Variants in PCDHGA5 observed in about 807,000 individuals in gnomAD.
PCDHGA5 encodes the protein protocadherin gamma subfamily A, 5.
A neutral mutation model predicts 56.7 loss-of-function variants in PCDHGA5; 36 were observed. The ratio of observed to expected loss-of-function variants is 0.64; its 90% CI spans 0.49 to 0.84. PCDHGA5 has a LOEUF of 0.84. PCDHGA5 is among the 40% of genes least tolerant of loss of function. PCDHGA5 has a pLI of 0.00. For synonymous variants in PCDHGA5, 563 were observed against 520.2 expected (o/e 1.08, Z -1.12); for missense variants, 1,305 against 1,201.5 (o/e 1.09, Z -1.27).
At chr5:141,430,782 G>A (rs1220976669) in intron 1 of PCDHGA5, 2 of 1,510,858 alleles carry the variant, frequency 1.3e-6, no homozygotes, top group Non-Finnish European at 1.8e-6. Flanking sequence ...CGACTGCACC[G>A]GGACTACAAA....
chr5:141,405,704 C>T (rs1589592020), intron 1 of PCDHGA5, among the ~76,000 whole-genome samples: 1 of 152,286 alleles, frequency 6.6e-6, no homozygotes, highest in East Asian at 1.9e-4. Context: ...TCTTGAATTC[C>T]TAACCTCAAG....
intron 1 of PCDHGA5, among the ~76,000 whole-genome samples, chr5:141,480,839 G>A (rs1397361640): frequency 6.6e-6 from 1 of 152,196 alleles, no homozygotes; most frequent in Non-Finnish European, 1.5e-5. Context: ...AAGATCAGGA[G>A]TTTGAGACCA....
rs1025985501 is a variant in PCDHGA5 at position 141,432,385 on chromosome 5, C to G, written c.2422-62422C>G. 2.5e-6 allele frequency: 4 copies of G among 1,614,138 alleles called. No homozygotes were observed. In the African/African-American group the frequency reaches 5.3e-5, roughly 22 times the overall value. Reference sequence around the variant, plus strand: ...CGCGGGACAACGGGCACCCGCCCCTCAGCAGCAACGTGTCGTTGAGCCTGT... The same window carrying G: ...CGCGGGACAACGGGCACCCGCCCCTGAGCAGCAACGTGTCGTTGAGCCTGT... On this transcript the variant is annotated intron_variant, in intron 1 of 3. Transcript: ENST00000518069. The surrounding 1 kb of genome is among the most constrained non-coding windows in gnomAD (Gnocchi z 6.0).
rs374575578 is a variant in PCDHGA5 at position 141,409,643 on chromosome 5, T to G, written c.2421+42892T>G. 4.3e-6 allele frequency: 7 copies of G among 1,613,620 alleles called. No homozygotes were observed. The African/African-American group carries it at 8.0e-5, about 18-fold the overall frequency. ...GCAAGTGAGCGCCTCTGACCCGGAT[T>G]TGGGGCTCAATGGCCACATCTCCTA... On this transcript the variant is annotated intron_variant, in intron 1 of 3. Coordinates refer to ENST00000518069, the MANE Select transcript of PCDHGA5 (RefSeq NM_018918.3).
chr5:141,389,660 G>A (rs1302432237), intron 1 of PCDHGA5: 4 of 1,612,338 alleles, frequency 2.5e-6, no homozygotes, highest in African/African-American at 2.7e-5. Flanking sequence ...TAGTGGCGGT[G>A]GACGCAGACT....
At chr5:141,427,803 G>A (rs781324396) in intron 1 of PCDHGA5, 2 of 1,511,804 alleles carry the variant, frequency 1.3e-6, no homozygotes, top group Admixed American at 1.7e-5. Context: ...GTCCGTGAGC[G>A]CACAGAGCGG....
intron 1 of PCDHGA5, among the ~76,000 whole-genome samples, chr5:141,456,843 A>G (rs2098891742): frequency 6.6e-6 from 1 of 152,030 alleles, no homozygotes. Context: ...GGCGCCTGTA[A>G]TCCCAGCTAA....
rs1562150111 is a variant in PCDHGA5, at chr5:141,491,805, T to G, written c.2422-3002T>G. 1 of 1,495,892 alleles carries G rather than the reference T, an allele frequency of 6.7e-7. No homozygotes were observed. 92.7% of individuals were successfully genotyped at this position (1,495,892 alleles called of 1,614,324 possible). A position where few individuals can be genotyped will look rare whatever the true frequency, so the allele number is the denominator to read the frequency against. On this transcript the variant is annotated intron_variant, in intron 1 of 3. Coordinates refer to ENST00000518069, the MANE Select transcript of PCDHGA5 (RefSeq NM_018918.3). This position sits in a 1 kb window ranked among gnomAD's most constrained non-coding sequence, Gnocchi z 6.9. ...TGCATCCACTCCTCTCCGGCCGGCT[T>G]GGTCGCTGGCTGCGCTCCACCCGAT... is the stretch of plus-strand genomic sequence containing the variant.
chr5:141,462,852 T>C (rs1334709435), intron 1 of PCDHGA5, among the ~76,000 whole-genome samples: 1 of 152,202 alleles, frequency 6.6e-6, no homozygotes. Flanking sequence ...TTTTGAGTGT[T>C]TGGATTTTGT....
Position 141,476,468 on chromosome 5 carries a change from C to T in PCDHGA5, c.2422-18339C>T. 6.2e-7 allele frequency: 1 copy of T among 1,614,132 alleles called. No homozygotes were observed. Among genetic ancestry groups the T allele is most frequent in the Non-Finnish European group, 8.5e-7 (1 of 1,180,022 alleles). On this transcript the variant is annotated intron_variant, in intron 1 of 3. Coordinates refer to ENST00000518069, the MANE Select transcript of PCDHGA5 (RefSeq NM_018918.3). The surrounding 1 kb of genome is among the most constrained non-coding windows in gnomAD (Gnocchi z 7.6). ...GTTGGTAGTGGAGAACCCGCTGGAG[C>T]TGTTCAGCGTGGAAGTGGTGATCCA...
chr5:141,472,928 G>A (rs926768431), intron 1 of PCDHGA5, among the ~76,000 whole-genome samples: 13 of 150,136 alleles, frequency 8.7e-5, no homozygotes, highest in Admixed American at 2.7e-4. Flanking sequence ...GGAGGTTGTG[G>A]TGAGCCAAGA....
At chr5:141,479,561 G>A (rs1032137833) in intron 1 of PCDHGA5, 1 of 152,270 alleles carries the variant, frequency 6.6e-6, no homozygotes, top group African/African-American at 2.4e-5. Context: ...CTATCCAGTA[G>A]TGGGATGACA....
chr5:141,410,024 G>T (rs771946302), intron 1 of PCDHGA5: 4 of 1,613,164 alleles, frequency 2.5e-6, no homozygotes, highest in Non-Finnish European at 3.4e-6. Flanking sequence ...GTCCTACCAC[G>T]TGCTGCAGGC....
At position 141,413,764 on chromosome 5, in the gene PCDHGA5, G is replaced by A. The variant is rs749419039; in HGVS notation, c.2421+47013G>A. 28 of 1,612,716 alleles carry A rather than the reference G, an allele frequency of 1.7e-5. No individual in the cohort carries two copies. Among genetic ancestry groups the A allele is most frequent in the Non-Finnish European group, 2.2e-5 (26 of 1,179,878 alleles). On this transcript the variant is annotated intron_variant, in intron 1 of 3. Coordinates refer to ENST00000518069, the MANE Select transcript of PCDHGA5 (RefSeq NM_018918.3). ...CCGTGCCAATGGCGTCAAGTACCCG[G>A]AGCTGGTACTGGAGCACTCCCTAGA... is the stretch of plus-strand genomic sequence containing the variant.
chr5:141,494,855 G>C lies in PCDHGA5; in HGVS notation c.2470G>C (p.Gly824Arg), dbSNP rs200418116. The C allele has an allele frequency of 6.2e-7, 1 of 1,614,092 alleles. No homozygotes were observed. Among genetic ancestry groups the C allele is most frequent in the South Asian group, 1.1e-5 (1 of 91,072 alleles). ...DWRFSQAQRP[G>R]TSGSQNGDDT... is the part of the protein sequence containing the mutation. ...GCGTTTCTCTCAGGCCCAGAGACCC[G>C]GCACCAGCGGGTAGGTGACTGATTC... The change falls in exon 2 of 4, where the codon GGC (glycine) becomes CGC (arginine). Residue 824 changes from glycine (G) to arginine (R), a missense_variant. Transcript: ENST00000518069.
intron 1 of PCDHGA5, chr5:141,428,863 T>C (rs1160939898): frequency 6.7e-6 from 1 of 149,182 alleles, no homozygotes; most frequent in African/African-American, 2.4e-5. Context: ...CGGGAGACTT[T>C]TTTTTTTTTT....
chr5:141,416,458 G>A (rs1391820726), intron 1 of PCDHGA5: 1 of 152,194 alleles, frequency 6.6e-6, no homozygotes, highest in Non-Finnish European at 1.5e-5. Flanking sequence ...TGGGAAGACA[G>A]ATAAATTTGT....
chr5:141,450,253 A>G (rs1025385837), intron 1 of PCDHGA5, among the ~76,000 whole-genome samples: 1 of 152,020 alleles, frequency 6.6e-6, no homozygotes, highest in African/African-American at 2.4e-5. Flanking sequence ...CCTGACCTCA[A>G]GTGATCTGCC....
intron 1 of PCDHGA5, chr5:141,374,746 C>T (rs1242744421): frequency 2.5e-6 from 4 of 1,612,108 alleles, no homozygotes; most frequent in East Asian, 4.5e-5. Context: ...GCGACCCTGT[C>T]CGCTCAAGCG....
Sources: allele counts gnomAD v4.1 joint callset (sites outside exome capture counted in the v4.1 genomes callset), GRCh38; gene constraint gnomAD v4.1.1; non-coding constraint Gnocchi (gnomAD v3.1); transcripts MANE v1.5; gene names NCBI Gene and HGNC (gene_info 2026-07-23, HGNC 2026-07-21).